Variants in DTL observed in about 807,000 individuals in gnomAD.
DTL encodes the protein denticleless E3 ubiquitin protein ligase adapter, also known as denticleless protein homolog.
DTL carries 46 observed loss-of-function variants against 87.0 expected under a neutral mutation model. The observed-to-expected ratio is 0.53, with a 90% CI of 0.42 to 0.68. The LOEUF (loss-of-function observed/expected upper bound fraction) is 0.68. Among genes scored for constraint, DTL ranks in the 30% least tolerant of loss-of-function variants. The pLI, the probability that DTL is intolerant of heterozygous loss-of-function variation, is 0.00. For missense variants in DTL, 737 were observed against 869.4 expected (o/e 0.85, Z 1.91); for synonymous variants, 308 against 311.2 (o/e 0.99, Z 0.11).
intron 1 of DTL, among the ~76,000 whole-genome samples, chr1:212,040,649 T>A (rs1667612297): frequency 6.6e-6 from 1 of 152,188 alleles, no homozygotes; most frequent in Admixed American, 6.5e-5. Flanking sequence ...GATATAACAT[T>A]AGGCTACTAC....
chr1:212,044,616 AAAT>A, intron 2 of DTL, 41 bp from the exon 3 acceptor site: 1 of 1,300,392 alleles, frequency 7.7e-7, no homozygotes. Flanking sequence ...AAAAAAAAAA[AAAT>A]TGTGTTACTC....
intron 5 of DTL, among the ~76,000 whole-genome samples, chr1:212,059,194 A>G (rs925676050): frequency 9.2e-5 from 14 of 152,138 alleles, no homozygotes; most frequent in Non-Finnish European, 1.2e-4. Context: ...TTATTCTGAT[A>G]CCAAAACCAG....
chr1:212,070,826 AACAT>A (rs1654649249), intron 10 of DTL, among the ~76,000 whole-genome samples: 1 of 152,210 alleles, frequency 6.6e-6, no homozygotes, highest in Non-Finnish European at 1.5e-5. Context: ...CATTAAAGCC[AACAT>A]ACATTTTAGG....
intron 5 of DTL, among the ~76,000 whole-genome samples, chr1:212,052,731 T>C (rs1668029281): frequency 6.7e-6 from 1 of 149,628 alleles, no homozygotes; most frequent in Non-Finnish European, 1.5e-5. Flanking sequence ...TAATTACCCA[T>C]ATATATATAT....
At chr1:212,094,642 A>T (rs940199440) in intron 13 of DTL, among the ~76,000 whole-genome samples, 1 of 152,172 alleles carries the variant, frequency 6.6e-6, no homozygotes, top group Non-Finnish European at 1.5e-5. Context: ...GTGAAGAACG[A>T]TGATGGTATT....
rs1425114026 is a variant in DTL at position 212,044,684 on chromosome 1, C to G, written c.203C>G (p.Ala68Gly). The G allele has an allele frequency of 4.3e-6, 7 of 1,611,130 alleles. No individual in the cohort carries two copies. The highest frequency in any genetic ancestry group is 5.9e-6 in the Non-Finnish European group (7 of 1,177,934). The change falls in exon 3 of 15, where the codon GCA (alanine) becomes GGA (glycine). Residue 68 changes from alanine to glycine, a missense_variant. Ala to Gly is a moderately conservative substitution (Grantham distance 60, BLOSUM62 0). Coordinates refer to ENST00000366991, the MANE Select transcript of DTL (RefSeq NM_016448.4). ...GCTCCCAATATGGAACATGTACTAG[C>G]AGTTGCCAATGAAGAAGGCTTTGTT... ...SSAPNMEHVL[A>G]VANEEGFVRL...
At chr1:212,096,920 T>A (rs892449764) in intron 13 of DTL, among the ~76,000 whole-genome samples, 1 of 152,226 alleles carries the variant, frequency 6.6e-6, no homozygotes, top group African/African-American at 2.4e-5. Context: ...AGTCCATTGT[T>A]TCTATGTTGA....
chr1:212,050,359 C>T (rs1300089474), intron 5 of DTL, among the ~76,000 whole-genome samples: 1 of 152,072 alleles, frequency 6.6e-6, no homozygotes, highest in African/African-American at 2.4e-5. Context: ...AATTTGCCTT[C>T]CCTAAGTATC....
chr1:212,038,452 A>C (rs1251832263), intron 1 of DTL, among the ~76,000 whole-genome samples: 1 of 152,218 alleles, frequency 6.6e-6, no homozygotes, highest in Non-Finnish European at 1.5e-5. Flanking sequence ...GAGTGGCCTC[A>C]TTATTTAAAC....
chr1:212,052,739 TA>T (rs200063540), intron 5 of DTL, among the ~76,000 whole-genome samples: 9,623 of 150,392 alleles, frequency 0.064, 331 homozygotes, highest in Non-Finnish European at 0.08. Context: ...CATATATATA[TA>T]TTTTTTTTCA....
chr1:212,093,239 C>T lies in DTL; in HGVS notation c.1262-7013C>T, dbSNP rs1481030004. Among the ~76,000 whole-genome samples the T allele has an allele frequency of 4.6e-5, 7 of 152,118 alleles. No homozygotes were observed. The East Asian group carries it at 7.7e-4, about 17-fold the overall frequency. On this transcript the variant is annotated intron_variant, in intron 13 of 14. Coordinates refer to ENST00000366991, the MANE Select transcript of DTL (RefSeq NM_016448.4). ...TACAGATGGGCAGGCTGTAGGGCTCCGACCCCACAGCAGTGTCTGGGGGTG... is the reference window on the plus strand; with the variant it reads ...TACAGATGGGCAGGCTGTAGGGCTCTGACCCCACAGCAGTGTCTGGGGGTG...
intron 5 of DTL, among the ~76,000 whole-genome samples, chr1:212,056,687 A>C (rs552980179): frequency 6.6e-6 from 1 of 152,186 alleles, no homozygotes; most frequent in Non-Finnish European, 1.5e-5. Flanking sequence ...GATCCAACAT[A>C]CTGATACTAA....
At chr1:212,102,481 A>T (rs1159971964) in intron 14 of DTL, among the ~76,000 whole-genome samples, 1 of 152,220 alleles carries the variant, frequency 6.6e-6, no homozygotes, top group African/African-American at 2.4e-5. Flanking sequence ...CCTTCAGAAG[A>T]GAGTAACATC....
At chr1:212,060,763 G>A (rs1440491754) in intron 5 of DTL, among the ~76,000 whole-genome samples, 1 of 150,638 alleles carries the variant, frequency 6.6e-6, no homozygotes, top group South Asian at 2.1e-4. Flanking sequence ...TCAAGATGGA[G>A]TATAAAGACT....
chr1:212,076,418 A>G (rs1654831691), intron 11 of DTL, among the ~76,000 whole-genome samples: 1 of 152,208 alleles, frequency 6.6e-6, no homozygotes, highest in South Asian at 2.1e-4. Context: ...CCCTATAGAT[A>G]AATGCAAAAA....
chr1:212,091,595 A>G (rs112648640), intron 13 of DTL, among the ~76,000 whole-genome samples: 1 of 152,224 alleles, frequency 6.6e-6, no homozygotes, highest in African/African-American at 2.4e-5. Context: ...ACAATGGACT[A>G]CTATTCAGCC....
At chr1:212,046,075 C>G (rs1031394865) in intron 3 of DTL, among the ~76,000 whole-genome samples, 2 of 151,904 alleles carry the variant, frequency 1.3e-5, no homozygotes, top group African/African-American at 4.8e-5. Context: ...TGTGCCCAGC[C>G]AGTATCATGA....
At chr1:212,067,895 TA>T (rs1381604759) in intron 8 of DTL, among the ~76,000 whole-genome samples, 1 of 152,188 alleles carries the variant, frequency 6.6e-6, no homozygotes, top group Non-Finnish European at 1.5e-5. Context: ...TGCAGAATAT[TA>T]AAGGCTTAGG....
At position 212,047,436 on chromosome 1, in the gene DTL, T is replaced by G; in HGVS notation, c.460+19T>G. ...GAGAAAGGTAGGTTTGTGCTTATCT[T>G]CTTTCATCTCCTTAACCTTCTTTGC... On this transcript the variant is annotated intron_variant, in intron 5 of 14. Transcript: ENST00000366991. 1 of 1,614,090 alleles carries G rather than the reference T, an allele frequency of 6.2e-7. No individual in the cohort carries two copies. Among genetic ancestry groups the G allele is most frequent in the Non-Finnish European group, 8.5e-7 (1 of 1,179,980 alleles).
Sources: allele counts gnomAD v4.1 joint callset (sites outside exome capture counted in the v4.1 genomes callset), GRCh38; gene constraint gnomAD v4.1.1; transcripts MANE v1.5; gene names NCBI Gene and HGNC (gene_info 2026-07-23, HGNC 2026-07-21).